TANK: variants seen among roughly 807,000 people sequenced by gnomAD.
The protein encoded by TANK is TRAF family member-associated NF-kappa-B activator.
A neutral mutation model predicts 43.6 loss-of-function variants in TANK; 15 were observed. The observed-to-expected ratio is 0.34, with a 90% confidence interval of 0.23 to 0.53. TANK has a LOEUF of 0.53. Ranked by LOEUF, TANK falls within the 20% of genes least tolerant of loss-of-function variation. The pLI is 0.94. For missense variants in TANK, 417 were observed against 498.6 expected, an observed-to-expected ratio of 0.84 and a Z score of 1.56; for synonymous variants, 162 against 178.2, an observed-to-expected ratio of 0.91 and a Z score of 0.73.
At chr2:161,167,405 C>T (rs748982450) in intron 1 of TANK, among the ~76,000 whole-genome samples, 1 of 152,082 alleles carries the variant, frequency 6.6e-6, no homozygotes, top group African/African-American at 2.4e-5. Context: ...TTTCTTTATC[C>T]AGGATTGGTT....
chr2:161,160,742 C>T (rs1394549568), intron 1 of TANK: 1 of 557,388 alleles, frequency 1.8e-6, no homozygotes, highest in African/African-American at 1.9e-5. Flanking sequence ...TCGTCGGCCT[C>T]TGCCCCAACG....
chr2:161,162,082 T>A (rs1463877137), intron 1 of TANK, among the ~76,000 whole-genome samples: 2 of 152,136 alleles, frequency 1.3e-5, no homozygotes, highest in Non-Finnish European at 2.9e-5. Flanking sequence ...CCTGAAATCA[T>A]TTGTTGAAAT....
At chr2:161,233,883 CAA>C (rs1223029176) in intron 7 of TANK, among the ~76,000 whole-genome samples, 4 of 152,074 alleles carry the variant, frequency 2.6e-5, no homozygotes, top group Non-Finnish European at 4.4e-5. Context: ...AAATTAGAAT[CAA>C]GTTAACTCTA....
At chr2:161,172,290 G>A (rs921655075) in intron 1 of TANK, among the ~76,000 whole-genome samples, 8 of 151,434 alleles carry the variant, frequency 5.3e-5, no homozygotes, top group African/African-American at 1.9e-4. Flanking sequence ...TGTGCTATAA[G>A]GTGGTACAAT....
chr2:161,163,539 T>C (rs1684537962), intron 1 of TANK: 1 of 152,204 alleles, frequency 6.6e-6, no homozygotes, highest in Non-Finnish European at 1.5e-5. Flanking sequence ...GTATTGCTTC[T>C]ACATGGGCAA....
intron 2 of TANK, among the ~76,000 whole-genome samples, chr2:161,199,633 G>A (rs925233505): frequency 6.6e-6 from 1 of 152,136 alleles, no homozygotes; most frequent in African/African-American, 2.4e-5. Flanking sequence ...TAAACTTTTT[G>A]CTTTGCTTAT....
chr2:161,161,107 A>G (rs907085584), intron 1 of TANK: 8 of 985,452 alleles, frequency 8.1e-6, no homozygotes, highest in South Asian at 1.8e-5. Context: ...GGCGTTAGGT[A>G]GAGTCCTCAC....
chr2:161,193,488 G>A (rs1267073), intron 2 of TANK, among the ~76,000 whole-genome samples: 39,647 of 152,114 alleles, frequency 0.26, 5,531 homozygotes, highest in East Asian at 0.4. Flanking sequence ...GAGAGGCTAA[G>A]GCAGGAGGAT....
upstream of TANK, among the ~76,000 whole-genome samples, chr2:161,158,759 A>G (rs182564537): frequency 5.9e-5 from 9 of 152,360 alleles, no homozygotes; most frequent in African/African-American, 2.2e-4. Flanking sequence ...CAAGAGAGTA[A>G]AAAGACAAGC....
At chr2:161,190,965 G>A (rs1685889897) in intron 2 of TANK, among the ~76,000 whole-genome samples, 2 of 152,010 alleles carry the variant, frequency 1.3e-5, no homozygotes, top group Admixed American at 1.3e-4. Flanking sequence ...AAAAAGAATT[G>A]GTCTAGCCTA....
At chr2:161,224,804 T>G in intron 6 of TANK, 58 bp downstream of exon 6, 1 of 1,084,424 alleles carries the variant, frequency 9.2e-7, no homozygotes, top group Admixed American at 2.6e-5. Context: ...TTGATTTCCT[T>G]TTGAATGTGA....
intron 1 of TANK, among the ~76,000 whole-genome samples, chr2:161,150,871 G>C (rs910469335): frequency 6.6e-6 from 1 of 152,152 alleles, no homozygotes; most frequent in Non-Finnish European, 1.5e-5. Flanking sequence ...GATTACAGGC[G>C]TGAGCCAGCA....
chr2:161,151,041 A>G (rs906115919), intron 1 of TANK, among the ~76,000 whole-genome samples: 2 of 152,094 alleles, frequency 1.3e-5, no homozygotes, highest in East Asian at 3.8e-4. Context: ...CTTGTGACTC[A>G]TTGGTTAAGA....
At chr2:161,201,144 C>A (rs906167825) in intron 2 of TANK, 1 of 985,364 alleles carries the variant, frequency 1.0e-6, no homozygotes, top group African/African-American at 1.7e-5. Context: ...TACTATACTT[C>A]CAGAGTGTTG....
chr2:161,179,572 T>C (rs1419614415), intron 1 of TANK, 42 bp from the exon 2 acceptor site: 1 of 1,529,804 alleles, frequency 6.5e-7, no homozygotes, highest in Non-Finnish European at 8.8e-7. Flanking sequence ...ATGAGGTTTA[T>C]GTAACTTAGT....
At chr2:161,219,444 A>C (rs1687247683) in intron 4 of TANK, among the ~76,000 whole-genome samples, 1 of 152,190 alleles carries the variant, frequency 6.6e-6, no homozygotes, top group African/African-American at 2.4e-5. Flanking sequence ...ACACTGTATC[A>C]CACAGAACAG....
At chr2:161,189,714 A>C (rs1248403746) in intron 2 of TANK, among the ~76,000 whole-genome samples, 1 of 152,238 alleles carries the variant, frequency 6.6e-6, no homozygotes, top group Non-Finnish European at 1.5e-5. Flanking sequence ...CAAAATCAGC[A>C]TGCAAAAATC....
At chr2:161,212,276 G>A (rs1231531136) in intron 4 of TANK, 23 of 656,294 alleles carry the variant, frequency 3.5e-5, no homozygotes, top group Non-Finnish European at 4.3e-5. Context: ...GGCCAGGCTA[G>A]TCTCAAATGC....
chr2:161,169,937 C>G (rs1053684332), intron 1 of TANK, among the ~76,000 whole-genome samples: 5 of 152,134 alleles, frequency 3.3e-5, no homozygotes, highest in African/African-American at 1.2e-4. Context: ...TGTAAAGCAC[C>G]TGCAAATAGA....
Sources: gnomAD v4.1 joint callset for allele counts (sites outside exome capture counted in the v4.1 genomes callset) on GRCh38, gnomAD v4.1.1 for gene constraint, MANE v1.5 for transcripts, NCBI Gene and HGNC (gene_info 2026-07-23, HGNC 2026-07-21) for gene names.